DLGAP4: variants seen among roughly 807,000 people sequenced by gnomAD.
DLGAP4 encodes the protein disks large-associated protein 4.
In DLGAP4, 18 loss-of-function variants were observed where a neutral mutation model predicts 86.9. The ratio of observed to expected loss-of-function variants is 0.21; its 90% CI spans 0.14 to 0.31. DLGAP4 has a LOEUF of 0.31. Among genes scored for constraint, DLGAP4 ranks in the 10% least tolerant of loss-of-function variants. The pLI, the probability that DLGAP4 is intolerant of heterozygous loss-of-function variation, is 1.00. For missense variants in DLGAP4, 1,085 were observed against 1,362.6 expected (o/e 0.80, Z 3.21); for synonymous variants, 548 against 574.3 (o/e 0.95, Z 0.65).
intron 1 of DLGAP4, among the ~76,000 whole-genome samples, chr20:36,321,881 A>T (rs1272842683): frequency 1.3e-5 from 2 of 152,210 alleles, no homozygotes; most frequent in Non-Finnish European, 2.9e-5. Flanking sequence ...TTTGATGCCG[A>T]CCTTCCAGAG....
intron 1 of DLGAP4, among the ~76,000 whole-genome samples, chr20:36,309,058 C>G (rs550583589): frequency 1.8e-4 from 27 of 152,054 alleles, no homozygotes; most frequent in Non-Finnish European, 2.2e-4. Flanking sequence ...GAACAGGCCA[C>G]GTTCCCTCCA....
intron 2 of DLGAP4, among the ~76,000 whole-genome samples, chr20:36,377,930 C>T (rs545399976): frequency 6.6e-6 from 1 of 152,334 alleles, no homozygotes; most frequent in Admixed American, 6.5e-5. Context: ...ACTGAGGAAG[C>T]GGAGCCCAGG....
At chr20:36,310,369 G>T (rs1338246939) in intron 1 of DLGAP4, among the ~76,000 whole-genome samples, 1 of 152,186 alleles carries the variant, frequency 6.6e-6, no homozygotes, top group Non-Finnish European at 1.5e-5. Context: ...GGAGGCTGGT[G>T]GTGGAGGGAG....
intron 1 of DLGAP4, among the ~76,000 whole-genome samples, chr20:36,360,744 G>C (rs552902497): frequency 6.6e-6 from 1 of 151,830 alleles, no homozygotes; most frequent in South Asian, 2.1e-4. Flanking sequence ...CCTGAGCAGA[G>C]CATGGGGGGC....
chr20:36,428,386 G>A (rs1056761802), intron 2 of DLGAP4, among the ~76,000 whole-genome samples: 1 of 152,224 alleles, frequency 6.6e-6, no homozygotes, highest in Non-Finnish European at 1.5e-5. Context: ...TAGCAAACAA[G>A]TAAACACATG....
At chr20:36,521,252 C>A (rs151260406) in intron 10 of DLGAP4, among the ~76,000 whole-genome samples, 299 of 152,330 alleles carry the variant, frequency 2.0e-3, no homozygotes, top group Middle Eastern at 6.8e-3. Context: ...TGAGCCTCCA[C>A]GTTCATAACC....
chr20:36,467,991 T>G (rs1347450280), intron 7 of DLGAP4, among the ~76,000 whole-genome samples: 1 of 152,242 alleles, frequency 6.6e-6, no homozygotes, highest in East Asian at 1.9e-4. Context: ...GAAAGGGAAC[T>G]CCTGCTTTTA....
intron 7 of DLGAP4, among the ~76,000 whole-genome samples, chr20:36,460,850 G>A (rs966749915): frequency 1.3e-5 from 2 of 152,230 alleles, no homozygotes; most frequent in Non-Finnish European, 2.9e-5. Context: ...GAAGGCTCAG[G>A]GAAGTTGAAT....
intron 2 of DLGAP4, among the ~76,000 whole-genome samples, chr20:36,390,780 C>G (rs1421308369): frequency 6.6e-6 from 1 of 152,096 alleles, no homozygotes; most frequent in African/African-American, 2.4e-5. Flanking sequence ...TGGCCCCAGA[C>G]TGAGCCTTGA....
At chr20:36,394,766 GA>G (rs1047574413) in intron 2 of DLGAP4, among the ~76,000 whole-genome samples, 2 of 151,932 alleles carry the variant, frequency 1.3e-5, no homozygotes, top group Non-Finnish European at 2.9e-5. Context: ...CTGGCTTCTG[GA>G]AGCTCAGGGT....
chr20:36,402,237 C>T (rs942041424), intron 2 of DLGAP4, among the ~76,000 whole-genome samples: 3 of 152,202 alleles, frequency 2.0e-5, no homozygotes, highest in Non-Finnish European at 4.4e-5. Flanking sequence ...GGATATCCCT[C>T]AACCTGGTCA....
intron 8 of DLGAP4, chr20:36,497,774 C>T (rs1244991497): frequency 3.5e-6 from 1 of 289,792 alleles, no homozygotes; most frequent in Admixed American, 6.5e-5. Context: ...GCTTCCCCTC[C>T]ACTGCTTCAT....
At chr20:36,335,244 T>C (rs2065309995) in intron 1 of DLGAP4, among the ~76,000 whole-genome samples, 1 of 152,162 alleles carries the variant, frequency 6.6e-6, no homozygotes, top group African/African-American at 2.4e-5. Context: ...CTGCCTGTGA[T>C]ACAACCAGAA....
chr20:36,467,143 G>A (rs182580406), intron 7 of DLGAP4, among the ~76,000 whole-genome samples: 20 of 151,074 alleles, frequency 1.3e-4, no homozygotes, highest in East Asian at 1.2e-3. Context: ...CAGACAAGGC[G>A]TCTCTGCCCT....
intron 7 of DLGAP4, chr20:36,461,658 G>GCCCCCCCCCCCC: frequency 1.5e-5 from 4 of 274,480 alleles, no homozygotes; most frequent in Non-Finnish European, 2.0e-5. Context: ...GACGGGGGCC[G>GCCCCCCCCCCCC]CCCCGCCCGG....
intron 2 of DLGAP4, among the ~76,000 whole-genome samples, chr20:36,406,499 G>GTCTGT (rs1282412693): frequency 6.6e-6 from 1 of 151,878 alleles, no homozygotes; most frequent in Non-Finnish European, 1.5e-5. Flanking sequence ...ACAGGGCTGG[G>GTCTGT]TCTGTTCTGC....
chr20:36,340,741 C>T (rs538069012), intron 1 of DLGAP4, among the ~76,000 whole-genome samples: 21 of 152,328 alleles, frequency 1.4e-4, no homozygotes, highest in African/African-American at 4.6e-4. Flanking sequence ...GGCATCCCTC[C>T]GGAGACCCCA....
At chr20:36,339,014 G>A (rs1245003055) in intron 1 of DLGAP4, among the ~76,000 whole-genome samples, 5 of 152,200 alleles carry the variant, frequency 3.3e-5, no homozygotes, top group South Asian at 2.1e-4. Flanking sequence ...CGGCTCTCTC[G>A]GGAGACATTG....
At chr20:36,345,927 T>C (rs2029922623) in intron 1 of DLGAP4, among the ~76,000 whole-genome samples, 1 of 152,046 alleles carries the variant, frequency 6.6e-6, no homozygotes, top group South Asian at 2.1e-4. Context: ...CAGGCTAACT[T>C]TTTTATTTTT....
Sources: gnomAD v4.1 joint callset for allele counts (sites outside exome capture counted in the v4.1 genomes callset) on GRCh38, gnomAD v4.1.1 for gene constraint, MANE v1.5 for transcripts, NCBI Gene and HGNC (gene_info 2026-07-23, HGNC 2026-07-21) for gene names.